SEMA3B: variants seen among roughly 807,000 people sequenced by gnomAD.
SEMA3B encodes semaphorin 3B.
SEMA3B carries 71 observed loss-of-function variants against 77.8 expected under a neutral mutation model. The ratio of observed to expected loss-of-function variants is 0.91; its 90% CI spans 0.75 to 1.11. SEMA3B has a LOEUF of 1.11. SEMA3B is among the 50% of genes most tolerant of loss of function. SEMA3B has a pLI of 0.00. For missense variants in SEMA3B, 968 were observed against 1,056.8 expected (o/e 0.92, Z 1.17); for synonymous variants, 470 against 452.9 (o/e 1.04, Z -0.48).
intron 6 of SEMA3B, among the ~76,000 whole-genome samples, chr3:50,272,666 G>A (rs1553705546): frequency 6.6e-6 from 1 of 151,046 alleles, no homozygotes; most frequent in Non-Finnish European, 1.5e-5. Context: ...AATGGAGACT[G>A]TGCCACTGCA....
chr3:50,274,425 G>C lies in SEMA3B; in HGVS notation c.1200G>C (p.Gln400His), dbSNP rs1553706097. 3 of 1,516,812 alleles carry C rather than the reference G, an allele frequency of 2.0e-6. No homozygotes were observed. The highest frequency in any genetic ancestry group is 1.8e-4 in the Middle Eastern group (1 of 5,656). 94.0% of individuals were successfully genotyped at this position (1,516,812 alleles called of 1,614,324 possible). Residue 400 changes from glutamine to histidine, a missense_variant, in exon 11 of 17, where the codon CAG becomes CAC. Gln to His is a conservative substitution (Grantham distance 24). Transcript: ENST00000616701. The surrounding 1 kb of genome is among the most constrained non-coding windows in gnomAD (Gnocchi z 4.7). ...AGGACTTCCCAGACGATGTCATCCA[G>C]TTTGCGCGGAACCACCCCCTCATGT... is the stretch of plus-strand genomic sequence containing the variant. ...STKDFPDDVIQFARNHPLMYN... is the reference protein window; with the variant it reads ...STKDFPDDVIHFARNHPLMYN...
At chr3:50,266,522 G>A (rs782505407), upstream of SEMA3B, 6 of 152,240 alleles carry the variant, frequency 3.9e-5, no homozygotes, top group African/African-American at 9.7e-5. Context: ...TCCTTGCTTG[G>A]CTGGAGGCAT....
Position 50,275,072 on chromosome 3 carries a change from G to T in SEMA3B, c.1491+19G>T, listed in dbSNP as rs139772784. ...CAAGAGGGTGAGTGACCAGGATGGG[G>T]GTCGGGGTGGGATGGACTGAGCTTG... On this transcript the variant is annotated intron_variant, in intron 13 of 16. Coordinates refer to ENST00000616701, the MANE Select transcript of SEMA3B (RefSeq NM_001290060.2). This position sits in a 1 kb window ranked among gnomAD's most constrained non-coding sequence, Gnocchi z 7.5. 3.0e-3 allele frequency: 4,756 copies of T among 1,570,358 alleles called. 18 individuals carry two copies. Among genetic ancestry groups the T allele is most frequent in the Non-Finnish European group, 3.7e-3 (4,246 of 1,154,172 alleles).
Position 50,276,650 on chromosome 3 carries a change from AC to A in SEMA3B, c.2197del (p.His733ThrfsTer153). 1 of 1,593,668 alleles carries A rather than the reference AC, an allele frequency of 6.3e-7. No homozygotes were observed. On this transcript the variant is annotated frameshift_variant, in exon 17 of 17. Coordinates refer to ENST00000616701, the MANE Select transcript of SEMA3B (RefSeq NM_001290060.2). LOFTEE classifies it high-confidence loss of function. The surrounding 1 kb of genome is among the most constrained non-coding windows in gnomAD (Gnocchi z 5.8). ...ESRRKGRNRR[T>X]HAPEPRAERG... ...GCGGAGAAAGGGCCGTAACCGGAGG[AC>A]CCACGCCCCTGAGCCTCGCGCTGAG...
Position 50,270,992 on chromosome 3 carries a change from G to A in SEMA3B, c.433G>A (p.Val145Met). 7 of 1,606,582 alleles carry A rather than the reference G, an allele frequency of 4.4e-6. No individual in the cohort carries two copies. Among genetic ancestry groups the A allele is most frequent in the Non-Finnish European group, 5.1e-6 (6 of 1,176,478 alleles). Residue 145 changes from valine (V) to methionine (M), a missense_variant, in exon 4 of 17, where the codon GTG becomes ATG. Coordinates refer to ENST00000616701, the MANE Select transcript of SEMA3B (RefSeq NM_001290060.2). The surrounding 1 kb of genome is among the most constrained non-coding windows in gnomAD (Gnocchi z 4.7). ...AFHPTCAFVEVGHRAEEPVLR... is the reference protein window; with the variant it reads ...AFHPTCAFVEMGHRAEEPVLR... ...CCACCCAACCTGTGCCTTTGTGGAA[G>A]TGGGCCACCGGGCAGAGGTAAGGCC...
At position 50,270,768 on chromosome 3, in the gene SEMA3B, G is replaced by C; in HGVS notation, c.331-122G>C. The C allele has an allele frequency of 6.8e-7, 1 of 1,464,746 alleles. No homozygotes were observed. The highest frequency in any genetic ancestry group is 9.2e-7 in the Non-Finnish European group (1 of 1,087,664). The allele number at this position is 1,464,746 out of a possible 1,614,324, so 90.7% of individuals were successfully genotyped here. A position where few individuals can be genotyped will look rare whatever the true frequency, so the allele number is the denominator to read the frequency against. Reference sequence around the variant, plus strand: ...CAGCAAGGGCCCCCAGGTCCCTGTAGCCCATGTTAGTACTTGCCTGGGCTG... The same window carrying C: ...CAGCAAGGGCCCCCAGGTCCCTGTACCCCATGTTAGTACTTGCCTGGGCTG... On this transcript the variant is annotated intron_variant, in intron 3 of 16. Transcript: ENST00000616701. The surrounding 1 kb of genome is among the most constrained non-coding windows in gnomAD (Gnocchi z 4.7).
Position 50,273,657 on chromosome 3 carries a change from G to A in SEMA3B, c.922+11G>A, listed in dbSNP as rs202003025. 2.5e-4 allele frequency: 404 copies of A among 1,608,370 alleles called. No individual in the cohort carries two copies. The highest frequency in any genetic ancestry group is 8.0e-4 in the Admixed American group (48 of 59,964). On this transcript the variant is annotated intron_variant, in intron 8 of 16. Coordinates refer to ENST00000616701, the MANE Select transcript of SEMA3B (RefSeq NM_001290060.2). The surrounding 1 kb of genome is among the most constrained non-coding windows in gnomAD (Gnocchi z 6.5). ...ACTTCGATCAGCTCCGTGAGTGCGGGAGTGGGTATGGGGTTGGGGAGGGGG... is the reference window on the plus strand; with the variant it reads ...ACTTCGATCAGCTCCGTGAGTGCGGAAGTGGGTATGGGGTTGGGGAGGGGG...
rs1553705194 is a variant in SEMA3B at position 50,270,643 on chromosome 3, G to T, written c.330+148G>T. ...TGAGGTCTGGGGGTGGTGAGTCAGG[G>T]TGGGGGCTCGTGTAATTCTTCTGGG... On this transcript the variant is annotated intron_variant, in intron 3 of 16. Coordinates refer to ENST00000616701, the MANE Select transcript of SEMA3B (RefSeq NM_001290060.2). This position sits in a 1 kb window ranked among gnomAD's most constrained non-coding sequence, Gnocchi z 4.7. The T allele has an allele frequency of 8.4e-7, 1 of 1,184,262 alleles. No individual in the cohort carries two copies. The highest frequency in any genetic ancestry group is 1.5e-5 in the African/African-American group (1 of 65,752). 73.4% of individuals were successfully genotyped at this position (1,184,262 alleles called of 1,614,324 possible).
In SEMA3B at chr3:50,270,307, G is replaced by A; in HGVS notation, c.267+23G>A. On this transcript the variant is annotated intron_variant, in intron 2 of 16. Coordinates refer to ENST00000616701, the MANE Select transcript of SEMA3B (RefSeq NM_001290060.2). This position sits in a 1 kb window ranked among gnomAD's most constrained non-coding sequence, Gnocchi z 4.7. ...AAGGTGCCAGGGACTCCCAACCCCA[G>A]CACTCCCCAGGGAAGGAGCCCTGGG... The A allele has an allele frequency of 6.2e-7, 1 of 1,612,312 alleles. No homozygotes were observed. The highest frequency in any genetic ancestry group is 8.5e-7 in the Non-Finnish European group (1 of 1,178,886).
At position 50,276,819 on chromosome 3, in the gene SEMA3B, G is replaced by A. The variant is rs978017531; in HGVS notation, c.*113G>A. On this transcript the variant is annotated 3_prime_UTR_variant, in exon 17 of 17. Coordinates refer to ENST00000616701, the MANE Select transcript of SEMA3B (RefSeq NM_001290060.2). The surrounding 1 kb of genome is among the most constrained non-coding windows in gnomAD (Gnocchi z 5.8). ...CCGGGCACATTGGGGGTCACCGGCC[G>A]ATGGAGACACCAACCGACAGGCCCT... The A allele has an allele frequency of 7.1e-6, 9 of 1,259,206 alleles. No individual in the cohort carries two copies. Among genetic ancestry groups the A allele is most frequent in the Non-Finnish European group, 4.2e-6 (4 of 961,590 alleles). 78.0% of individuals were successfully genotyped at this position (1,259,206 alleles called of 1,614,324 possible). A position where few individuals can be genotyped will look rare whatever the true frequency, so the allele number is the denominator to read the frequency against.
rs782604671 is a variant in SEMA3B at position 50,269,264 on chromosome 3, C to T, written c.24C>T (p.Ala8=). ...AGATGGGGCGGGCCGGGGCTGCCGC[C>T]GTGATCCCGGGCCTGGCCCTGCTCT... MGRAGAA[A]VIPGLALLWA... Residue 8 remains alanine (A), a synonymous_variant, in exon 1 of 17, where the codon GCC becomes GCT. Transcript: ENST00000616701. This position sits in a 1 kb window ranked among gnomAD's most constrained non-coding sequence, Gnocchi z 4.0. 23 of 1,537,334 alleles carry T rather than the reference C, an allele frequency of 1.5e-5. No individual in the cohort carries two copies. The highest frequency in any genetic ancestry group is 2.4e-5 in the East Asian group (1 of 40,914).
chr3:50,276,329 A>C lies in SEMA3B; in HGVS notation c.1873A>C (p.Thr625Pro), dbSNP rs1553706692. The C allele has an allele frequency of 6.6e-7, 1 of 1,525,332 alleles. No individual in the cohort carries two copies. The highest frequency in any genetic ancestry group is 2.0e-5 in the Admixed American group (1 of 50,176). 94.5% of individuals were successfully genotyped at this position (1,525,332 alleles called of 1,614,324 possible). The change falls in exon 17 of 17, where the codon ACC becomes CCC. Residue 625 changes from threonine (T) to proline (P), a missense_variant. Physicochemically the swap from Thr to Pro is conservative, Grantham distance 38. Transcript: ENST00000616701. This position sits in a 1 kb window ranked among gnomAD's most constrained non-coding sequence, Gnocchi z 5.8. ...QVLAEERTER[T>P]ARGLLLRRLR... ...GCTGGCAGAGGAGCGCACCGAGCGC[A>C]CCGCCCGGGGACTACTGCTGCGCAG...
In SEMA3B at chr3:50,274,967, C is replaced by T. The variant is rs587741854; in HGVS notation, c.1449+33C>T. The T allele has an allele frequency of 2.6e-5, 42 of 1,600,088 alleles. No homozygotes were observed. The South Asian group carries it at 4.0e-4, about 15-fold the overall frequency. Reference sequence around the variant, plus strand: ...CTCACCCCCAGTCGCCCGGGACCCCCCCACCCCACTAAGCCCTGACCCCGT... The same window carrying T: ...CTCACCCCCAGTCGCCCGGGACCCCTCCACCCCACTAAGCCCTGACCCCGT... On this transcript the variant is annotated intron_variant, in intron 12 of 16. Transcript: ENST00000616701. The surrounding 1 kb of genome is among the most constrained non-coding windows in gnomAD (Gnocchi z 4.7).
At position 50,269,272 on chromosome 3, in the gene SEMA3B, C is replaced by T. The variant is rs1329128745; in HGVS notation, c.32C>T (p.Pro11Leu). 1.2e-5 allele frequency: 18 copies of T among 1,537,926 alleles called. No individual in the cohort carries two copies. The highest frequency in any genetic ancestry group is 8.2e-5 in the African/African-American group (6 of 73,026). The change falls in exon 1 of 17, where the codon CCG (proline) becomes CTG (leucine). Residue 11 changes from proline (P) to leucine (L), a missense_variant. Coordinates refer to ENST00000616701, the MANE Select transcript of SEMA3B (RefSeq NM_001290060.2). This position sits in a 1 kb window ranked among gnomAD's most constrained non-coding sequence, Gnocchi z 4.0. Reference protein sequence around the residue: MGRAGAAAVIPGLALLWAVGL... With the variant: MGRAGAAAVILGLALLWAVGL... The stretch of plus-strand genomic sequence containing the variant: ...CGGGCCGGGGCTGCCGCCGTGATCC[C>T]GGGCCTGGCCCTGCTCTGGGCAGTG...
Position 50,274,518 on chromosome 3 carries a change from T to A in SEMA3B, c.1293T>A (p.Thr431=), listed in dbSNP as rs1427274920. The part of the protein sequence containing the change: ...FLQVGANYTF[T]QIAADRVAAA... ...AAGTTGGAGCCAATTACACCTTCACTCAAATTGCCGCGGACCGGGTTGCAG... is the reference window on the plus strand; with the variant it reads ...AAGTTGGAGCCAATTACACCTTCACACAAATTGCCGCGGACCGGGTTGCAG... Residue 431 remains threonine (T), a synonymous_variant, in exon 11 of 17, where the codon ACT becomes ACA. Coordinates refer to ENST00000616701, the MANE Select transcript of SEMA3B (RefSeq NM_001290060.2). This position sits in a 1 kb window ranked among gnomAD's most constrained non-coding sequence, Gnocchi z 4.7. 1 of 1,575,014 alleles carries A rather than the reference T, an allele frequency of 6.3e-7. No individual in the cohort carries two copies. The highest frequency in any genetic ancestry group is 8.6e-7 in the Non-Finnish European group (1 of 1,160,856).
upstream of SEMA3B, among the ~76,000 whole-genome samples, chr3:50,264,028 T>C (rs1700864129): frequency 6.6e-6 from 1 of 151,454 alleles, no homozygotes; most frequent in Non-Finnish European, 1.5e-5. Flanking sequence ...CAAAACCTCA[T>C]CTCTACCAAA....
In SEMA3B at chr3:50,274,220, G is replaced by A. The variant is rs980556173; in HGVS notation, c.1138-143G>A. ...TTGTTTCCCGCCTCTGACTTCCTAG[G>A]GCAAGGCTGATCTCCTCTCTAATTC... On this transcript the variant is annotated intron_variant, in intron 10 of 16. Transcript: ENST00000616701. This position sits in a 1 kb window ranked among gnomAD's most constrained non-coding sequence, Gnocchi z 4.7. 8.5e-6 allele frequency: 11 copies of A among 1,286,558 alleles called. No individual in the cohort carries two copies. Among genetic ancestry groups the A allele is most frequent in the Admixed American group, 5.0e-5 (2 of 39,612 alleles). 79.7% of individuals were successfully genotyped at this position (1,286,558 alleles called of 1,614,324 possible).
At chr3:50,269,114 C>T (rs2109234762), upstream of SEMA3B, 2 of 688,866 alleles carry the variant, frequency 2.9e-6, no homozygotes, top group East Asian at 2.8e-5. This position sits in a 1 kb window ranked among gnomAD's most constrained non-coding sequence, Gnocchi z 4.0. Context: ...CTGGGGACTC[C>T]CCCCCTAGCC....
In SEMA3B at chr3:50,271,343, C is replaced by T. The variant is rs782002819; in HGVS notation, c.545-18C>T. 2 of 1,560,862 alleles carry T rather than the reference C, an allele frequency of 1.3e-6. No homozygotes were observed. The highest frequency in any genetic ancestry group is 2.4e-5 in the South Asian group (2 of 84,508). ...AAGAGCCCTCCATTTGCCTGAGTGGCCCTTGCTCTGTCTGCAGGGGAGGAG... is the reference window on the plus strand; with the variant it reads ...AAGAGCCCTCCATTTGCCTGAGTGGTCCTTGCTCTGTCTGCAGGGGAGGAG... On this transcript the variant is annotated intron_variant, in intron 5 of 16. Coordinates refer to ENST00000616701, the MANE Select transcript of SEMA3B (RefSeq NM_001290060.2).
Sources: allele counts gnomAD v4.1 joint callset (sites outside exome capture counted in the v4.1 genomes callset), GRCh38; gene constraint gnomAD v4.1.1; non-coding constraint Gnocchi (gnomAD v3.1); transcripts MANE v1.5; gene names NCBI Gene and HGNC (gene_info 2026-07-23, HGNC 2026-07-21).